The following GTF2F2 variants were observed in gnomAD, a reference collection of about 807,000 sequenced individuals.
GTF2F2 encodes general transcription factor IIF subunit 2.
In GTF2F2, 23 loss-of-function variants were observed where a neutral mutation model predicts 42.2. The observed-to-expected ratio is 0.55, with a 90% confidence interval of 0.39 to 0.77. The LOEUF is 0.77. GTF2F2 is among the 30% of genes least tolerant of loss of function. The pLI, the probability that GTF2F2 is intolerant of heterozygous loss-of-function variation, is 0.00. For missense variants in GTF2F2, 261 were observed against 287.2 expected, an observed-to-expected ratio of 0.91 and a Z score of 0.66; for synonymous variants, 105 against 100.8, an observed-to-expected ratio of 1.04 and a Z score of -0.25.
At chr13:45,212,124 G>T (rs2138194463) in intron 5 of GTF2F2, among the ~76,000 whole-genome samples, 1 of 152,260 alleles carries the variant, frequency 6.6e-6, no homozygotes, top group East Asian at 1.9e-4. Context: ...TCAGATGTAG[G>T]TAACATTAAA....
chr13:45,246,859 A>G (rs1470463535), intron 5 of GTF2F2, among the ~76,000 whole-genome samples: 1 of 151,502 alleles, frequency 6.6e-6, no homozygotes, highest in Non-Finnish European at 1.5e-5. Flanking sequence ...AACACGGTGA[A>G]ACCCCGTCTC....
intron 1 of GTF2F2, among the ~76,000 whole-genome samples, chr13:45,122,711 T>C (rs1340466255): frequency 6.6e-6 from 1 of 152,216 alleles, no homozygotes. Context: ...AATCAGAATT[T>C]GAATTGAAGT....
intron 4 of GTF2F2, among the ~76,000 whole-genome samples, chr13:45,185,831 A>G (rs1872394088): frequency 6.6e-6 from 1 of 152,156 alleles, no homozygotes; most frequent in African/African-American, 2.4e-5. Context: ...AATTATTTCC[A>G]TACACAGCTA....
chr13:45,255,269 G>A (rs1876057488), intron 6 of GTF2F2, among the ~76,000 whole-genome samples: 1 of 151,860 alleles, frequency 6.6e-6, no homozygotes, highest in Non-Finnish European at 1.5e-5. Context: ...TATTTGAATG[G>A]TTATTTTATA....
chr13:45,260,010 C>G (rs1215105481), intron 6 of GTF2F2, among the ~76,000 whole-genome samples: 1 of 150,588 alleles, frequency 6.6e-6, no homozygotes, highest in South Asian at 2.1e-4. Flanking sequence ...GGTAAAAGCT[C>G]TTGGCCAGAA....
chr13:45,269,318 G>A (rs190472453), intron 7 of GTF2F2, among the ~76,000 whole-genome samples: 190 of 152,270 alleles, frequency 1.2e-3, no homozygotes, highest in Non-Finnish European at 2.3e-3. Context: ...ATTTTGGCAG[G>A]CCTCTCACGT....
At chr13:45,221,370 T>TA (rs1325881009) in intron 5 of GTF2F2, among the ~76,000 whole-genome samples, 1 of 152,182 alleles carries the variant, frequency 6.6e-6, no homozygotes, top group Non-Finnish European at 1.5e-5. Context: ...GGACTGACTA[T>TA]ATAATCTGCA....
chr13:45,205,896 A>G (rs1278194139), intron 4 of GTF2F2, among the ~76,000 whole-genome samples: 1 of 152,086 alleles, frequency 6.6e-6, no homozygotes, highest in Admixed American at 6.6e-5. Context: ...GATATATCAG[A>G]TTTTCCCAAA....
intron 6 of GTF2F2, 113 bp from the exon 7 acceptor site, chr13:45,267,120 G>A (rs1298483401): frequency 1.2e-6 from 1 of 820,464 alleles, no homozygotes; most frequent in African/African-American, 1.7e-5. Flanking sequence ...CTGCACTCCA[G>A]CCTGGGCAAC....
chr13:45,253,310 C>T (rs753752633), intron 6 of GTF2F2, among the ~76,000 whole-genome samples: 3 of 152,058 alleles, frequency 2.0e-5, no homozygotes, highest in Non-Finnish European at 4.4e-5. Flanking sequence ...ATTAGTTTTA[C>T]TATTTTTAAA....
At chr13:45,173,775 G>A (rs1485992952) in intron 4 of GTF2F2, among the ~76,000 whole-genome samples, 5 of 151,492 alleles carry the variant, frequency 3.3e-5, no homozygotes, top group Non-Finnish European at 5.9e-5. Context: ...CCGCTACCAC[G>A]CCCAGCTAAT....
At chr13:45,207,388 G>A in intron 4 of GTF2F2, 36 bp from the exon 5 acceptor site, 3 of 1,223,966 alleles carry the variant, frequency 2.5e-6, no homozygotes, top group Non-Finnish European at 3.6e-6. Context: ...AAAATGATAA[G>A]TATTATCTCT....
At chr13:45,229,749 T>G (rs1000207201) in intron 5 of GTF2F2, among the ~76,000 whole-genome samples, 10 of 152,172 alleles carry the variant, frequency 6.6e-5, no homozygotes, top group African/African-American at 2.4e-4. Context: ...CTCTTACATT[T>G]TATTTGAGAA....
intron 4 of GTF2F2, among the ~76,000 whole-genome samples, chr13:45,170,126 C>T (rs927882027): frequency 2.0e-5 from 3 of 152,150 alleles, no homozygotes; most frequent in African/African-American, 7.2e-5. Flanking sequence ...TGGGCTCAAG[C>T]GATCTTCCCA....
intron 4 of GTF2F2, among the ~76,000 whole-genome samples, chr13:45,190,260 A>G (rs929774380): frequency 7.2e-5 from 11 of 152,258 alleles, no homozygotes; most frequent in Admixed American, 5.2e-4. Flanking sequence ...TGTTTTTTAA[A>G]TGACATGACA....
At position 45,251,901 on chromosome 13, in the gene GTF2F2, A is replaced by T. The variant is rs911378719; in HGVS notation, c.387-970A>T. On this transcript the variant is annotated intron_variant, in intron 5 of 7. Transcript: ENST00000340473. Reference sequence around the variant, plus strand: ...TAAAAGGTACAGTGATAACTTTTGCATCATTAAAAATAGTTGGCTTAGAAA... The same window carrying T: ...TAAAAGGTACAGTGATAACTTTTGCTTCATTAAAAATAGTTGGCTTAGAAA... Among the ~76,000 whole-genome samples, 4 of 152,222 alleles carry T rather than the reference A, an allele frequency of 2.6e-5. No homozygotes were observed. In the South Asian group the frequency reaches 8.3e-4, roughly 31 times the overall value.
chr13:45,249,698 G>C (rs999392412), intron 5 of GTF2F2, among the ~76,000 whole-genome samples: 4 of 152,164 alleles, frequency 2.6e-5, no homozygotes, highest in Non-Finnish European at 5.9e-5. Context: ...CTCCTTCCTT[G>C]GATGTCTCAT....
At chr13:45,249,800 T>C (rs556421362) in intron 5 of GTF2F2, among the ~76,000 whole-genome samples, 5 of 151,848 alleles carry the variant, frequency 3.3e-5, no homozygotes, top group Non-Finnish European at 7.4e-5. Context: ...CCCTGAGAGC[T>C]GATTGCATTA....
intron 4 of GTF2F2, among the ~76,000 whole-genome samples, chr13:45,184,814 T>G (rs1872339124): frequency 6.6e-6 from 1 of 151,966 alleles, no homozygotes; most frequent in Non-Finnish European, 1.5e-5. Flanking sequence ...AGCACAAGGT[T>G]GTTATTTTCT....
Sources: gnomAD v4.1 joint callset for allele counts (sites outside exome capture counted in the v4.1 genomes callset) on GRCh38, gnomAD v4.1.1 for gene constraint, MANE v1.5 for transcripts, NCBI Gene and HGNC (gene_info 2026-07-23, HGNC 2026-07-21) for gene names.